Variants in ZNF780B observed in about 807,000 individuals in gnomAD.
The protein encoded by ZNF780B is zinc finger protein 779.
ZNF780B carries 52 observed loss-of-function variants against 74.1 expected under a neutral mutation model. That is an observed-to-expected ratio of 0.70 (90% CI 0.56 to 0.88). The LOEUF (loss-of-function observed/expected upper bound fraction) is 0.88. Among genes scored for constraint, ZNF780B ranks in the 40% least tolerant of loss-of-function variants. The pLI is 0.00. For synonymous variants in ZNF780B, 315 were observed against 324.3 expected, an observed-to-expected ratio of 0.97 and a Z score of 0.31; for missense variants, 953 against 1,007.6, an observed-to-expected ratio of 0.95 and a Z score of 0.73.
rs757732427 is a variant in ZNF780B, at chr19:40,030,323, C to T, written c.*4034G>A. The T allele has an allele frequency of 6.6e-6, 1 of 152,324 alleles. No individual in the cohort carries two copies. Among genetic ancestry groups the T allele is most frequent in the Non-Finnish European group, 1.5e-5 (1 of 68,160 alleles). 9.4% of individuals were successfully genotyped at this position (152,324 alleles called of 1,614,324 possible). On this transcript the variant is annotated 3_prime_UTR_variant, in exon 5 of 5. Transcript: ENST00000434248. The stretch of plus-strand genomic sequence containing the variant: ...AGGGTGAGGAAGGAGGTGCCAGGCT[C>T]TTTTGTACAACCAGCTCTCATAGGA...
chr19:40,041,624 C>T (rs918279057), intron 4 of ZNF780B, among the ~76,000 whole-genome samples: 7 of 152,140 alleles, frequency 4.6e-5, no homozygotes, highest in Non-Finnish European at 7.3e-5. Context: ...GGATAGTTAG[C>T]GCTTCTTGTT....
At chr19:40,051,015 G>A (rs1029455137) in intron 1 of ZNF780B, among the ~76,000 whole-genome samples, 8 of 152,192 alleles carry the variant, frequency 5.3e-5, no homozygotes, top group Admixed American at 2.6e-4. Context: ...TAAACAATAC[G>A]ATTACATTTG....
intron 4 of ZNF780B, among the ~76,000 whole-genome samples, chr19:40,045,384 G>A (rs991486579): frequency 6.6e-6 from 1 of 152,114 alleles, no homozygotes; most frequent in Non-Finnish European, 1.5e-5. Context: ...ATATAAATTA[G>A]TACAATCACT....
rs1972334088 is a variant in ZNF780B, at chr19:40,036,601, C to A, written c.258G>T (p.Glu86Asp). 6.5e-7 allele frequency: 1 copy of A among 1,549,972 alleles called. No individual in the cohort carries two copies. The highest frequency in any genetic ancestry group is 2.3e-5 in the East Asian group (1 of 43,902). ...YPDLESKYGP[E>D]KISPENDIFE... is the part of the protein sequence containing the mutation. ...AAATATCATTTTCTGGAGATATTTT[C>A]TCAGGTCCATATTTTGACTCCAAAT... Residue 86 changes from glutamate to aspartate, a missense_variant, in exon 5 of 5, where the codon GAG (glutamate) becomes GAT (aspartate). Glu to Asp is a conservative substitution (Grantham distance 45, BLOSUM62 2). Transcript: ENST00000434248.
Position 40,033,280 on chromosome 19 carries a change from CTT to C in ZNF780B, c.*1075_*1076del, listed in dbSNP as rs1042503518. 1.3e-5 allele frequency: 2 copies of C among 154,964 alleles called. No individual in the cohort carries two copies. Among genetic ancestry groups the C allele is most frequent in the African/African-American group, 4.8e-5 (2 of 41,538 alleles). The allele number at this position is 154,964 out of a possible 1,614,324, so 9.6% of individuals were successfully genotyped here. ...CTGTTTGGAAAATGGTGCTGATAGACTTATTCACTGCAAGGTTGCTGCAAACC... is the reference window on the plus strand; with the variant it reads ...CTGTTTGGAAAATGGTGCTGATAGACATTCACTGCAAGGTTGCTGCAAACC... On this transcript the variant is annotated 3_prime_UTR_variant, in exon 5 of 5. Coordinates refer to ENST00000434248, the MANE Select transcript of ZNF780B (RefSeq NM_001005851.3).
rs751866741 is a variant in ZNF780B at position 40,036,286 on chromosome 19, T to G, written c.573A>C (p.Lys191Asn). 22 of 1,613,304 alleles carry G rather than the reference T, an allele frequency of 1.4e-5. No homozygotes were observed. Among genetic ancestry groups the G allele is most frequent in the Non-Finnish European group, 1.7e-5 (20 of 1,179,852 alleles). ...TCCCACATTCTTTGCATTTATAGGG[T>G]TTCTCTCCAGTATGAATACTCTGAT... is the stretch of plus-strand genomic sequence containing the variant. ...IQHQSIHTGE[K>N]PYKCKECGKA... Residue 191 changes from lysine (K) to asparagine (N), a missense_variant, in exon 5 of 5, where the codon AAA (lysine) becomes AAC (asparagine). Lys to Asn is a moderately conservative substitution (Grantham distance 94). Transcript: ENST00000434248.
chr19:40,041,583 G>A (rs1016824455), intron 4 of ZNF780B, among the ~76,000 whole-genome samples: 1 of 152,094 alleles, frequency 6.6e-6, no homozygotes, highest in Non-Finnish European at 1.5e-5. Flanking sequence ...TATGAATCTG[G>A]GTGCTCCTGT....
At chr19:40,036,910 CTT>C (rs112920803) in intron 4 of ZNF780B, among the ~76,000 whole-genome samples, 13 of 139,780 alleles carry the variant, frequency 9.3e-5, no homozygotes, top group Non-Finnish European at 1.3e-4. Flanking sequence ...GTGAAGAAAG[CTT>C]TTTTTTTTTT....
At position 40,036,186 on chromosome 19, in the gene ZNF780B, C is replaced by G; in HGVS notation, c.673G>C (p.Glu225Gln). The change falls in exon 5 of 5, where the codon GAA (glutamate) becomes CAA (glutamine). Residue 225 changes from glutamate to glutamine, a missense_variant. By Grantham distance (29) the Glu-to-Gln change is conservative. Transcript: ENST00000434248. ...GGAAGATTAAAGGCTTTTCCACATTCCTTACATTCAAAAGTTTTCTCACCA... is the reference window on the plus strand; with the variant it reads ...GGAAGATTAAAGGCTTTTCCACATTGCTTACATTCAAAAGTTTTCTCACCA... Reference protein sequence around the residue: ...HTGEKTFECKECGKAFNLPTQ... With the variant: ...HTGEKTFECKQCGKAFNLPTQ... 4.3e-6 allele frequency: 7 copies of G among 1,613,534 alleles called. No homozygotes were observed. Among genetic ancestry groups the G allele is most frequent in the Non-Finnish European group, 5.9e-6 (7 of 1,179,848 alleles).
chr19:40,054,947 CG>C lies in ZNF780B; in HGVS notation c.-46+1241del, dbSNP rs1230667826. Among the ~76,000 whole-genome samples the C allele has an allele frequency of 3.3e-5, 5 of 152,278 alleles. No homozygotes were observed. The South Asian group carries it at 8.3e-4, about 25-fold the overall frequency. ...ACAATTATCATCTCATGGACTCTCC[CG>C]AAAAATCCTGACTCTGGTTGATACC... On this transcript the variant is annotated intron_variant, in intron 1 of 4. Coordinates refer to ENST00000434248, the MANE Select transcript of ZNF780B (RefSeq NM_001005851.3).
Position 40,043,701 on chromosome 19 carries a change from C to T in ZNF780B, c.232+3674G>A, listed in dbSNP as rs373170096. Among the ~76,000 whole-genome samples, 695 of 152,352 alleles carry T rather than the reference C, an allele frequency of 4.6e-3. 13 individuals carry two copies. Among genetic ancestry groups the T allele is most frequent in the South Asian group, 0.037 (181 of 4,832 alleles). On this transcript the variant is annotated intron_variant, in intron 4 of 4. Coordinates refer to ENST00000434248, the MANE Select transcript of ZNF780B (RefSeq NM_001005851.3). The stretch of plus-strand genomic sequence containing the variant: ...GAGACTCTGTGGGCATAGGACCCTC[C>T]GAGCCATGTGCGGGATATAATCTCC...
chr19:40,048,933 C>A, intron 2 of ZNF780B, 137 bp from the exon 3 acceptor site: 3 of 1,365,288 alleles, frequency 2.2e-6, no homozygotes. Flanking sequence ...CTTCAAGAAT[C>A]CTGCTGCTGG....
chr19:40,035,943 C>A lies in ZNF780B; in HGVS notation c.916G>T (p.Val306Leu), dbSNP rs760259604. 144 of 1,613,746 alleles carry A rather than the reference C, an allele frequency of 8.9e-5. No homozygotes were observed. Among genetic ancestry groups the A allele is most frequent in the Non-Finnish European group, 1.2e-4 (142 of 1,179,962 alleles). The stretch of plus-strand genomic sequence containing the variant: ...AAGGCCATCTCACATTCCCTACATA[C>A]AAAGGGTTTCTCATTGGAATGAATT... ...QKIHSNEKPF[V>L]CRECEMAFRY... The change falls in exon 5 of 5, where the codon GTA (valine) becomes TTA (leucine). Residue 306 changes from valine to leucine, a missense_variant. By Grantham distance (32) the Val-to-Leu change is conservative. Coordinates refer to ENST00000434248, the MANE Select transcript of ZNF780B (RefSeq NM_001005851.3).
At position 40,030,087 on chromosome 19, in the gene ZNF780B, CTGAG is replaced by C. The variant is rs1371648858; in HGVS notation, c.*4266_*4269del. 3 of 152,082 alleles carry C rather than the reference CTGAG, an allele frequency of 2.0e-5. No individual in the cohort carries two copies. The highest frequency in any genetic ancestry group is 1.9e-4 in the East Asian group (1 of 5,200). The allele number at this position is 152,082 out of a possible 1,614,324, so 9.4% of individuals were successfully genotyped here. On this transcript the variant is annotated 3_prime_UTR_variant, in exon 5 of 5. Transcript: ENST00000434248. Reference sequence around the variant, plus strand: ...TTTTAAGTCAAGGAGCATACTCTGACTGAGTATGTCTTAGTTTTGTGTTGCTATA... The same window carrying C: ...TTTTAAGTCAAGGAGCATACTCTGACTATGTCTTAGTTTTGTGTTGCTATA...
intron 4 of ZNF780B, among the ~76,000 whole-genome samples, chr19:40,040,802 T>C (rs1312721220): frequency 6.6e-6 from 1 of 152,226 alleles, no homozygotes; most frequent in African/African-American, 2.4e-5. Context: ...CTTCTCTCTT[T>C]TCTTCTTTAT....
rs1310714493 is a variant in ZNF780B, at chr19:40,036,223, C to A, written c.636G>T (p.Gln212His). Reference protein sequence around the residue: ...FQLHIQLTRHQKFHTGEKTFE... With the variant: ...FQLHIQLTRHHKFHTGEKTFE... Reference sequence around the variant, plus strand: ...AAGTTTTCTCACCAGTATGAAATTTCTGATGTCGAGTAAGTTGTATGTGAA... The same window carrying A: ...AAGTTTTCTCACCAGTATGAAATTTATGATGTCGAGTAAGTTGTATGTGAA... Residue 212 changes from glutamine to histidine, a missense_variant, in exon 5 of 5, where the codon CAG (glutamine) becomes CAT (histidine). Transcript: ENST00000434248. 6.2e-7 allele frequency: 1 copy of A among 1,611,176 alleles called. No homozygotes were observed. The highest frequency in any genetic ancestry group is 1.7e-5 in the Admixed American group (1 of 59,348).
At chr19:40,039,971 G>A (rs1412497785) in intron 4 of ZNF780B, among the ~76,000 whole-genome samples, 1 of 151,838 alleles carries the variant, frequency 6.6e-6, no homozygotes, top group Non-Finnish European at 1.5e-5. Flanking sequence ...GTGAGAGAGG[G>A]CATCCCTGTC....
At chr19:40,036,921 T>TTC (rs1411013874) in intron 4 of ZNF780B, among the ~76,000 whole-genome samples, 2 of 151,998 alleles carry the variant, frequency 1.3e-5, no homozygotes, top group Non-Finnish European at 2.9e-5. Context: ...TTTTTTTTTT[T>TTC]TTTTAAGACG....
At chr19:40,048,582 C>G in intron 3 of ZNF780B, 88 bp downstream of exon 3, 1 of 1,598,176 alleles carries the variant, frequency 6.3e-7, no homozygotes, top group Admixed American at 1.7e-5. Context: ...ATCCAACTAC[C>G]TCTTAAAAGA....
Sources: gnomAD v4.1 joint callset for allele counts (sites outside exome capture counted in the v4.1 genomes callset) on GRCh38, gnomAD v4.1.1 for gene constraint, MANE v1.5 for transcripts, NCBI Gene and HGNC (gene_info 2026-07-23, HGNC 2026-07-21) for gene names.